The following USP4 variants were observed in gnomAD, a reference collection of about 807,000 sequenced individuals.
USP4 encodes the protein ubiquitin carboxyl-terminal hydrolase 4.
In USP4, 72 loss-of-function variants were observed where a neutral mutation model predicts 118.2. That is an observed-to-expected ratio of 0.61 (90% CI 0.50 to 0.74). The LOEUF (loss-of-function observed/expected upper bound fraction) is 0.74, where lower values mean the gene tolerates loss of function less well. Among genes scored for constraint, USP4 ranks in the 30% least tolerant of loss-of-function variants. The pLI is 0.00. For synonymous variants in USP4, 415 were observed against 440.4 expected (o/e 0.94, Z 0.72); for missense variants, 1,037 against 1,185.7 (o/e 0.87, Z 1.84).
At chr3:49,311,223 C>T (rs566947273) in intron 7 of USP4, among the ~76,000 whole-genome samples, 198 of 152,318 alleles carry the variant, frequency 1.3e-3, no homozygotes, top group Non-Finnish European at 1.0e-3. Flanking sequence ...TTCTGCCATA[C>T]GGGCCAGCCC....
chr3:49,317,290 T>A (rs765407700), intron 6 of USP4: 4 of 1,500,806 alleles, frequency 2.7e-6, no homozygotes, highest in Admixed American at 1.8e-5. Context: ...CAGCTTCTCG[T>A]TGACGCAGGC....
intron 11 of USP4, among the ~76,000 whole-genome samples, chr3:49,300,119 C>T (rs538109372): frequency 3.9e-5 from 6 of 152,142 alleles, no homozygotes; most frequent in Non-Finnish European, 5.9e-5. Flanking sequence ...TGGTGGTACA[C>T]GCCTGTAATC....
intron 2 of USP4, among the ~76,000 whole-genome samples, chr3:49,333,327 T>C (rs1024288758): frequency 2.0e-5 from 3 of 151,532 alleles, no homozygotes; most frequent in Admixed American, 6.6e-5. Flanking sequence ...GAGCCAGGAA[T>C]GCTGGCAAGC....
In USP4 at chr3:49,286,326, C is replaced by G; in HGVS notation, c.1973-1G>C. On this transcript the variant is annotated splice_acceptor_variant, in intron 15 of 21. Transcript: ENST00000265560. LOFTEE classifies it high-confidence loss of function. ...TGCTCCATTTCTTCCTCATCTTCTCCTGGCACATAAATGGAAAACAATATG... is the reference window on the plus strand; with the variant it reads ...TGCTCCATTTCTTCCTCATCTTCTCGTGGCACATAAATGGAAAACAATATG... 1.2e-6 allele frequency: 2 copies of G among 1,613,934 alleles called. No homozygotes were observed. The highest frequency in any genetic ancestry group is 1.7e-6 in the Non-Finnish European group (2 of 1,179,900).
Position 49,334,250 on chromosome 3 carries a change from G to C in USP4, c.229+1219C>G, listed in dbSNP as rs151234741. ...ATAAAGCAAAGCACAATAAGCCAAA[G>C]TATGCCTGAATTTAAAACCTTAAGA... On this transcript the variant is annotated intron_variant, in intron 2 of 21. Transcript: ENST00000265560. Among the ~76,000 whole-genome samples the C allele has an allele frequency of 2.0e-3, 307 of 152,242 alleles. 3 individuals are homozygous for C. In the East Asian group the frequency reaches 0.021, roughly 11 times the overall value.
At chr3:49,318,422 A>AG in intron 6 of USP4, 1 of 985,530 alleles carries the variant, frequency 1.0e-6, no homozygotes, top group Non-Finnish European at 1.2e-6. Flanking sequence ...GCAACCTTAA[A>AG]GGGCCTTATA....
At chr3:49,300,243 CAAAA>C (rs376971750) in intron 11 of USP4, among the ~76,000 whole-genome samples, 1 of 134,970 alleles carries the variant, frequency 7.4e-6, no homozygotes, top group Non-Finnish European at 1.6e-5. Context: ...GACTCTGTCT[CAAAA>C]AAAAAAAAAG....
At chr3:49,325,653 C>T in intron 4 of USP4, 66 bp downstream of exon 4, 2 of 1,586,266 alleles carry the variant, frequency 1.3e-6, no homozygotes, top group Admixed American at 3.4e-5. Context: ...GCCCTCTTCC[C>T]TCCCATCAGC....
At chr3:49,306,545 A>G (rs1391646467) in intron 8 of USP4, among the ~76,000 whole-genome samples, 1 of 151,708 alleles carries the variant, frequency 6.6e-6, no homozygotes, top group African/African-American at 2.4e-5. Flanking sequence ...GTTCTCTCCT[A>G]CTTCCTTTGG....
intron 6 of USP4, among the ~76,000 whole-genome samples, chr3:49,315,985 C>T (rs149857896): frequency 9.8e-4 from 149 of 152,240 alleles, no homozygotes; most frequent in African/African-American, 3.5e-3. Context: ...GGGCGGATCA[C>T]ATGAGGTTGG....
chr3:49,297,011 T>C (rs1045969880), intron 13 of USP4, among the ~76,000 whole-genome samples: 1 of 152,230 alleles, frequency 6.6e-6, no homozygotes, highest in Non-Finnish European at 1.5e-5. Flanking sequence ...CTATTCCTTT[T>C]AGAGAGATCT....
chr3:49,284,520 C>G lies in USP4; in HGVS notation c.2336G>C (p.Arg779Thr). ...QKKKKTTVAL[R>T]DCIELFTTME... ...GGTGGTGAAGAGCTCGATGCAGTCT[C>G]TCAGGGCCACTGTGGTCTTCTTCTT... Residue 779 changes from arginine to threonine, a missense_variant, in exon 18 of 22, where the codon AGA becomes ACA. This residue lies in a region of USP4 where 522 missense variants were observed against 592.6 expected (regional missense o/e 0.88). Transcript: ENST00000265560. The G allele has an allele frequency of 6.2e-7, 1 of 1,614,148 alleles. No individual in the cohort carries two copies. Among genetic ancestry groups the G allele is most frequent in the Non-Finnish European group, 8.5e-7 (1 of 1,180,044 alleles).
At chr3:49,328,052 G>A (rs996802529) in intron 2 of USP4, among the ~76,000 whole-genome samples, 1 of 152,054 alleles carries the variant, frequency 6.6e-6, no homozygotes, top group African/African-American at 2.4e-5. Flanking sequence ...ATTGGAGGGA[G>A]AGAAGAGGAT....
At position 49,305,870 on chromosome 3, in the gene USP4, G is replaced by C. The variant is rs778385341; in HGVS notation, c.973C>G (p.Pro325Ala). ...SALQCLSNTA[P>A]LTDYFLKDEY... The stretch of plus-strand genomic sequence containing the variant: ...TCTTTGAGAAAGTAGTCAGTCAGTG[G>C]TGCAGTGTTGCTCAAACACTGAAAC... The change falls in exon 9 of 22, where the codon CCA (proline) becomes GCA (alanine). Residue 325 changes from proline to alanine, a missense_variant. Coordinates refer to ENST00000265560, the MANE Select transcript of USP4 (RefSeq NM_003363.4). The C allele has an allele frequency of 1.2e-6, 2 of 1,613,650 alleles. No individual in the cohort carries two copies. Among genetic ancestry groups the C allele is most frequent in the South Asian group, 2.2e-5 (2 of 90,986 alleles).
intron 13 of USP4, among the ~76,000 whole-genome samples, chr3:49,295,724 A>ACG: frequency 6.7e-6 from 1 of 150,196 alleles, no homozygotes; most frequent in Non-Finnish European, 1.5e-5. Context: ...GCACACACAC[A>ACG]CACACACACA....
chr3:49,281,487 T>TACACACAC (rs1214724342), intron 19 of USP4, among the ~76,000 whole-genome samples: 3 of 113,356 alleles, frequency 2.6e-5, no homozygotes, highest in African/African-American at 6.6e-5. Context: ...TATATATATA[T>TACACACAC]ATATACACAC....
chr3:49,335,697 T>C, intron 1 of USP4, 101 bp from the exon 2 acceptor site: 1 of 1,356,158 alleles, frequency 7.4e-7, no homozygotes, highest in Non-Finnish European at 1.0e-6. Context: ...TTGGGGCATA[T>C]GCAATACCCA....
At chr3:49,330,613 A>T (rs180828719) in intron 2 of USP4, among the ~76,000 whole-genome samples, 1 of 151,582 alleles carries the variant, frequency 6.6e-6, no homozygotes, top group Non-Finnish European at 1.5e-5. Flanking sequence ...TAACAGGCGT[A>T]AGCCACTGCA....
At chr3:49,339,348 T>C (rs1273400726) in intron 1 of USP4, among the ~76,000 whole-genome samples, 1 of 152,156 alleles carries the variant, frequency 6.6e-6, no homozygotes, top group Admixed American at 6.6e-5. Flanking sequence ...ATCTTCTATC[T>C]AGCTCCAGGA....
Sources: allele counts gnomAD v4.1 joint callset (sites outside exome capture counted in the v4.1 genomes callset), GRCh38; gene constraint gnomAD v4.1.1; regional missense constraint gnomAD v4.1.1; transcripts MANE v1.5; gene names NCBI Gene and HGNC (gene_info 2026-07-23, HGNC 2026-07-21).